The following HIRA variants were observed in gnomAD, a reference collection of about 807,000 sequenced individuals.
HIRA encodes the protein protein HIRA.
HIRA carries 13 observed loss-of-function variants against 126.6 expected under a neutral mutation model. The observed-to-expected ratio is 0.10, with a 90% CI of 0.07 to 0.16. The LOEUF (loss-of-function observed/expected upper bound fraction) is 0.16, where lower values mean the gene tolerates loss of function less well. Ranked by LOEUF, HIRA falls within the 10% of genes least tolerant of loss-of-function variation. HIRA has a pLI of 1.00. For synonymous variants in HIRA, 511 were observed against 520.0 expected (o/e 0.98, Z 0.24); for missense variants, 834 against 1,314.4 (o/e 0.63, Z 5.65).
At chr22:19,394,818 G>A (rs756088940) in intron 7 of HIRA, among the ~76,000 whole-genome samples, 5 of 152,220 alleles carry the variant, frequency 3.3e-5, no homozygotes, top group Non-Finnish European at 7.3e-5. Context: ...GCCTCTGCAT[G>A]GGCCAAATCT....
In HIRA at chr22:19,334,055, A is replaced by G. The variant is rs532242544; in HGVS notation, c.2938-2499T>C. ...AGTGGTGTGATCTCGGCTCACTGCA[A>G]GCTCCGCCTCCTGGGTTCACACCAT... On this transcript the variant is annotated intron_variant, in intron 24 of 24. Coordinates refer to ENST00000263208, the MANE Select transcript of HIRA (RefSeq NM_003325.4). Among the ~76,000 whole-genome samples, 12 of 150,908 alleles carry G rather than the reference A, an allele frequency of 8.0e-5. No homozygotes were observed. In the East Asian group the frequency reaches 2.2e-3, roughly 28 times the overall value.
chr22:19,356,896 G>C lies in HIRA; in HGVS notation c.2390C>G (p.Ser797Cys), dbSNP rs782020445. The C allele has an allele frequency of 6.2e-7, 1 of 1,613,804 alleles. No individual in the cohort carries two copies. The highest frequency in any genetic ancestry group is 1.1e-5 in the South Asian group (1 of 91,086). The change falls in exon 19 of 25, where the codon TCT becomes TGT. Residue 797 changes from serine (S) to cysteine (C), a missense_variant. Ser to Cys is a moderately radical substitution (Grantham distance 112, BLOSUM62 -1). Transcript: ENST00000263208. ...CCCTGTGCCTGCCTCTCACCAGACA[G>C]AGAGTGTGGCTGCAGCGGTGAGCGC... The part of the protein sequence containing the change: ...VMALTAAATL[S>C]VWDVHRQVVV...
intron 5 of HIRA, among the ~76,000 whole-genome samples, chr22:19,398,808 C>T: frequency 6.6e-6 from 1 of 152,068 alleles, no homozygotes; most frequent in East Asian, 1.9e-4. Context: ...AAAACCCTAT[C>T]TCTACAAAAA....
At chr22:19,370,962 C>A (rs2088959337) in intron 15 of HIRA, among the ~76,000 whole-genome samples, 1 of 152,154 alleles carries the variant, frequency 6.6e-6, no homozygotes, top group Non-Finnish European at 1.5e-5. Flanking sequence ...GATATACAGT[C>A]AAGATTCTGT....
Position 19,355,765 on chromosome 22 carries a change from G to A in HIRA, c.2556C>T (p.Ser852=). 2 of 1,610,652 alleles carry A rather than the reference G, an allele frequency of 1.2e-6. No homozygotes were observed. The highest frequency in any genetic ancestry group is 2.2e-5 in the South Asian group (2 of 90,978). The change falls in exon 21 of 25, where the codon TCC becomes TCT. Residue 852 remains serine (S), a synonymous_variant. Transcript: ENST00000263208. ...CTGGGGGTCAGCTTGCTTACCATGT[G>A]GAAAGTGACGGATTAAAGCAGTACG... ...GKAYCFNPSL[S]TWNLVSDKQD...
At chr22:19,396,018 C>T (rs2089220532) in intron 7 of HIRA, among the ~76,000 whole-genome samples, 1 of 152,174 alleles carries the variant, frequency 6.6e-6, no homozygotes, top group African/African-American at 2.4e-5. Flanking sequence ...GGAAAAAAGG[C>T]CCCTGAACTG....
intron 8 of HIRA, among the ~76,000 whole-genome samples, chr22:19,392,699 G>A (rs1317783600): frequency 6.6e-6 from 1 of 152,210 alleles, no homozygotes; most frequent in Non-Finnish European, 1.5e-5. Flanking sequence ...CACTGCATTT[G>A]TTGTTCAGTC....
At chr22:19,398,358 T>G (rs186456824) in intron 5 of HIRA, among the ~76,000 whole-genome samples, 59 of 152,342 alleles carry the variant, frequency 3.9e-4, no homozygotes, top group South Asian at 2.1e-3. Context: ...CATGAGAGCC[T>G]GCTACTTCGT....
At position 19,396,801 on chromosome 22, in the gene HIRA, T is replaced by C; in HGVS notation, c.640A>G (p.Lys214Glu). The change falls in exon 7 of 25, where the codon AAG (lysine) becomes GAG (glutamate). Residue 214 changes from lysine to glutamate, a missense_variant. Coordinates refer to ENST00000263208, the MANE Select transcript of HIRA (RefSeq NM_003325.4). ...LDWQLETSITKPFDECGGTTH... is the reference protein window; with the variant it reads ...LDWQLETSITEPFDECGGTTH... The stretch of plus-strand genomic sequence containing the variant: ...TCCCCACTTACCTCATCAAAAGGCT[T>C]GGTGATGCTGGTCTCCAACTGCCAG... 1.2e-6 allele frequency: 2 copies of C among 1,614,116 alleles called. No homozygotes were observed. The highest frequency in any genetic ancestry group is 1.7e-6 in the Non-Finnish European group (2 of 1,180,006).
At chr22:19,361,138 C>T in intron 17 of HIRA, 99 bp downstream of exon 17, 1 of 941,734 alleles carries the variant, frequency 1.1e-6, no homozygotes, top group Non-Finnish European at 1.7e-6. Flanking sequence ...CACTGGAAAC[C>T]AATCTCCAAG....
intron 15 of HIRA, 148 bp downstream of exon 15, chr22:19,375,483 G>A: frequency 1.3e-6 from 1 of 757,560 alleles, no homozygotes; most frequent in South Asian, 2.0e-5. Flanking sequence ...GCTCACTAAG[G>A]GCTCTGCAGT....
intron 1 of HIRA, among the ~76,000 whole-genome samples, chr22:19,419,905 T>A (rs770246414): frequency 1.3e-5 from 2 of 152,212 alleles, no homozygotes; most frequent in Non-Finnish European, 2.9e-5. Flanking sequence ...GCTGCTGTTA[T>A]CTCTACCACT....
At chr22:19,383,953 C>G (rs989989381) in intron 12 of HIRA, among the ~76,000 whole-genome samples, 2 of 152,018 alleles carry the variant, frequency 1.3e-5, no homozygotes, top group Non-Finnish European at 2.9e-5. Context: ...CTCCCATTTT[C>G]CTCTGACCCC....
intron 3 of HIRA, among the ~76,000 whole-genome samples, chr22:19,407,757 G>A (rs927446071): frequency 2.6e-5 from 4 of 152,090 alleles, no homozygotes; most frequent in East Asian, 3.9e-4. Context: ...TGTCACATTC[G>A]GATTTTCCAA....
At chr22:19,417,629 T>A (rs536572068) in intron 1 of HIRA, among the ~76,000 whole-genome samples, 18 of 152,094 alleles carry the variant, frequency 1.2e-4, no homozygotes, top group Admixed American at 7.9e-4. Flanking sequence ...TCAAAAAAAA[T>A]AAATAAATAA....
intron 9 of HIRA, among the ~76,000 whole-genome samples, chr22:19,390,778 A>G (rs1299779458): frequency 2.0e-5 from 3 of 151,958 alleles, no homozygotes; most frequent in African/African-American, 7.2e-5. Flanking sequence ...ATAAGCACTT[A>G]TCTGTCTTGG....
chr22:19,362,691 G>C (rs1331783468), intron 15 of HIRA, among the ~76,000 whole-genome samples: 2 of 151,780 alleles, frequency 1.3e-5, no homozygotes, highest in Admixed American at 1.3e-4. Context: ...CTCCCAAGTA[G>C]CTGGGATTAC....
intron 12 of HIRA, among the ~76,000 whole-genome samples, chr22:19,385,306 C>T (rs139798214): frequency 3.0e-4 from 46 of 152,328 alleles, no homozygotes; most frequent in African/African-American, 9.6e-4. Context: ...CTCCTCTGGG[C>T]TCCTGGGGAT....
chr22:19,334,087 G>C (rs531845870), intron 24 of HIRA, among the ~76,000 whole-genome samples: 1 of 151,642 alleles, frequency 6.6e-6, no homozygotes, highest in Admixed American at 6.6e-5. Flanking sequence ...CCATTCTCCT[G>C]CCTCAGCCTC....
Sources: allele counts gnomAD v4.1 joint callset (sites outside exome capture counted in the v4.1 genomes callset), GRCh38; gene constraint gnomAD v4.1.1; transcripts MANE v1.5; gene names NCBI Gene and HGNC (gene_info 2026-07-23, HGNC 2026-07-21).